Variants in HMGB1 observed in about 807,000 individuals in gnomAD.
HMGB1 encodes the protein high mobility group protein B1.
For missense variants in HMGB1, 79 were observed against 253.5 expected, an observed-to-expected ratio of 0.31 and a Z score of 4.67; for synonymous variants, 81 against 84.0, an observed-to-expected ratio of 0.96 and a Z score of 0.19.
chr13:30,562,097 G>A (rs979255167), intron 1 of HMGB1, among the ~76,000 whole-genome samples: 2 of 152,042 alleles, frequency 1.3e-5, no homozygotes, highest in African/African-American at 2.4e-5. Context: ...CAAGGCAGGC[G>A]GATCACCTGA....
chr13:30,465,758 G>A, intron 1 of HMGB1, 38 bp downstream of exon 1: 1 of 979,866 alleles, frequency 1.0e-6, no homozygotes, highest in Non-Finnish European at 1.2e-6. Flanking sequence ...GGAGCTGCCG[G>A]AGGCGCTCTC....
chr13:30,588,150 T>C (rs1426570706), intron 1 of HMGB1, among the ~76,000 whole-genome samples: 1 of 152,176 alleles, frequency 6.6e-6, no homozygotes, highest in Non-Finnish European at 1.5e-5. Context: ...GAGCATAATA[T>C]CTATTCTTAG....
intron 1 of HMGB1, among the ~76,000 whole-genome samples, chr13:30,513,681 A>G (rs1234009113): frequency 6.6e-6 from 1 of 152,176 alleles, no homozygotes; most frequent in African/African-American, 2.4e-5. Flanking sequence ...AATTTGGCCA[A>G]TGCCAAGTTT....
At chr13:30,478,844 AATTTCTTTTTTCTTTTCTTTTCTTT>A (rs1296611473) in intron 1 of HMGB1, among the ~76,000 whole-genome samples, 1 of 149,382 alleles carries the variant, frequency 6.7e-6, no homozygotes, top group Non-Finnish European at 1.5e-5. Flanking sequence ...CCCAAATCCC[AATTTCTTTTTTCTTTTCTTTTCTTT>A]TCTTTTTTTT....
intron 1 of HMGB1, among the ~76,000 whole-genome samples, chr13:30,479,507 A>C (rs564050762): frequency 9.9e-5 from 15 of 152,118 alleles, no homozygotes; most frequent in East Asian, 5.8e-4. Flanking sequence ...CTCTCCCCTC[A>C]CACCAACTTC....
At chr13:30,533,661 G>A (rs1031925528) in intron 1 of HMGB1, among the ~76,000 whole-genome samples, 22 of 151,984 alleles carry the variant, frequency 1.4e-4, no homozygotes, top group African/African-American at 4.1e-4. Context: ...CACTGTGCCC[G>A]GCCCAAATTT....
intron 1 of HMGB1, among the ~76,000 whole-genome samples, chr13:30,600,956 A>C (rs563255799): frequency 2.4e-4 from 37 of 152,322 alleles, no homozygotes; most frequent in African/African-American, 8.2e-4. Flanking sequence ...TGTGACTTGC[A>C]TGTATACATC....
chr13:30,573,188 G>C (rs998928169), intron 1 of HMGB1, among the ~76,000 whole-genome samples: 2 of 152,080 alleles, frequency 1.3e-5, no homozygotes, highest in Non-Finnish European at 2.9e-5. Flanking sequence ...TGTGATGCAG[G>C]CTCCTCCAAA....
chr13:30,592,391 C>T (rs1273490842), intron 1 of HMGB1, among the ~76,000 whole-genome samples: 1 of 152,016 alleles, frequency 6.6e-6, no homozygotes, highest in Non-Finnish European at 1.5e-5. Context: ...TGAAAATTAC[C>T]AGTCTTCCCA....
intron 1 of HMGB1, among the ~76,000 whole-genome samples, chr13:30,494,221 G>C (rs1206621064): frequency 1.3e-5 from 2 of 152,178 alleles, no homozygotes; most frequent in Admixed American, 1.3e-4. Flanking sequence ...AGCTAAGCTA[G>C]ATAGCTTGGC....
At chr13:30,554,816 T>C (rs1228689696) in intron 1 of HMGB1, 3 of 759,328 alleles carry the variant, frequency 4.0e-6, no homozygotes, top group Non-Finnish European at 7.4e-6. Context: ...GATAGACACC[T>C]AATATTCATG....
chr13:30,471,006 G>A (rs79675267), intron 1 of HMGB1, among the ~76,000 whole-genome samples: 1 of 150,310 alleles, frequency 6.7e-6, no homozygotes, highest in Non-Finnish European at 1.5e-5. Context: ...TGAGACAGAG[G>A]CTTGCTCTAT....
At chr13:30,497,566 G>T (rs1887638888) in intron 1 of HMGB1, among the ~76,000 whole-genome samples, 2 of 151,840 alleles carry the variant, frequency 1.3e-5, no homozygotes, top group Admixed American at 6.6e-5. Flanking sequence ...TAATAAGCAT[G>T]GTGCCTGACG....
upstream of HMGB1, among the ~76,000 whole-genome samples, chr13:30,467,740 T>TA (rs1414968490): frequency 6.6e-6 from 1 of 152,258 alleles, no homozygotes; most frequent in Non-Finnish European, 1.5e-5. Context: ...TGAGAATGAT[T>TA]AAGATACTTT....
intron 1 of HMGB1, chr13:30,464,361 C>T: frequency 3.0e-6 from 3 of 985,414 alleles, no homozygotes; most frequent in Non-Finnish European, 2.4e-6. Flanking sequence ...TCCGAGTAAA[C>T]AAGGATGAGG....
At chr13:30,520,200 T>C (rs1255518812) in intron 1 of HMGB1, among the ~76,000 whole-genome samples, 1 of 152,094 alleles carries the variant, frequency 6.6e-6, no homozygotes. Context: ...CACATGCCTG[T>C]AATCCCAGCT....
chr13:30,474,135 G>C (rs974930450), intron 1 of HMGB1, among the ~76,000 whole-genome samples: 2 of 152,142 alleles, frequency 1.3e-5, no homozygotes, highest in African/African-American at 4.8e-5. Flanking sequence ...AGCATGACCT[G>C]GTAAATATGC....
chr13:30,527,278 G>T (rs1888390465), intron 1 of HMGB1, among the ~76,000 whole-genome samples: 1 of 152,220 alleles, frequency 6.6e-6, no homozygotes. Flanking sequence ...TGAAACTTCA[G>T]TTGTAAGAAA....
chr13:30,591,564 G>A (rs1292068320), intron 1 of HMGB1, among the ~76,000 whole-genome samples: 1 of 150,102 alleles, frequency 6.7e-6, no homozygotes, highest in East Asian at 1.9e-4. Context: ...AGGCTGGAGT[G>A]CAGTGGCACA....
Sources: allele counts gnomAD v4.1 joint callset (sites outside exome capture counted in the v4.1 genomes callset), GRCh38; gene constraint gnomAD v4.1.1; transcripts MANE v1.5; gene names NCBI Gene and HGNC (gene_info 2026-07-23, HGNC 2026-07-21).